SYT16: variants seen among roughly 807,000 people sequenced by gnomAD.
SYT16 encodes synaptotagmin-16.
SYT16 carries 42 observed loss-of-function variants against 61.4 expected under a neutral mutation model. That is an observed-to-expected ratio of 0.68 (90% CI 0.53 to 0.89). The LOEUF (loss-of-function observed/expected upper bound fraction) is 0.89, where lower values mean the gene tolerates loss of function less well. Among genes scored for constraint, SYT16 ranks in the 40% least tolerant of loss-of-function variants. The probability of loss-of-function intolerance (pLI) is 0.00; values close to 1 mark genes in which losing one functional copy is unlikely to be tolerated. For missense variants in SYT16, 804 were observed against 807.3 expected (o/e 1.00, Z 0.05); for synonymous variants, 314 against 302.3 (o/e 1.04, Z -0.40).
At chr14:61,957,760 A>G (rs1316683790) in intron 1 of SYT16, among the ~76,000 whole-genome samples, 1 of 151,768 alleles carries the variant, frequency 6.6e-6, no homozygotes, top group East Asian at 1.9e-4. Context: ...ATTGGCCTCT[A>G]GTTTTATTTT....
rs1032189836 is a variant in SYT16 at position 61,893,095 on chromosome 14, C to T, written c.-324-77037C>T. Among the ~76,000 whole-genome samples the T allele has an allele frequency of 3.9e-5, 6 of 152,114 alleles. No homozygotes were observed. In the East Asian group the frequency reaches 7.7e-4, roughly 20 times the overall value. On this transcript the variant is annotated intron_variant, in intron 1 of 7. Transcript: ENST00000683842. ...TCATGTGGTGTAGAGAATTCCTGCA[C>T]ACTTCCCATTAACTGGAACCCAGTT...
chr14:61,870,709 C>A (rs1000210752), intron 1 of SYT16, among the ~76,000 whole-genome samples: 3 of 152,120 alleles, frequency 2.0e-5, no homozygotes, highest in Non-Finnish European at 4.4e-5. Context: ...GTCCCTAAAT[C>A]TTCTACAATA....
chr14:62,084,426 G>A (rs2056819043), intron 7 of SYT16, 41 bp downstream of exon 7: 1 of 1,576,850 alleles, frequency 6.3e-7, no homozygotes, highest in East Asian at 2.3e-5. Context: ...TTCTTCCAGA[G>A]GCAAGTGGAA....
intron 3 of SYT16, among the ~76,000 whole-genome samples, chr14:62,030,802 T>G (rs1206809368): frequency 6.6e-6 from 1 of 152,212 alleles, no homozygotes; most frequent in Non-Finnish European, 1.5e-5. Flanking sequence ...CTTTTGTATT[T>G]ATAAAATGAA....
rs1010843620 is a variant in SYT16 at position 62,109,020 on chromosome 14, T to C, written c.*8313T>C. On this transcript the variant is annotated 3_prime_UTR_variant, in exon 8 of 8. Transcript: ENST00000683842. ...ATTTGTTACAACTGATGAACCTTCA[T>C]TGACATAACATTATCACCCAAAGTG... 7 of 152,230 alleles carry C rather than the reference T, an allele frequency of 4.6e-5. No individual in the cohort carries two copies. Among genetic ancestry groups the C allele is most frequent in the Middle Eastern group, 3.2e-3 (1 of 316 alleles). 9.4% of individuals were successfully genotyped at this position (152,230 alleles called of 1,614,324 possible).
At chr14:61,877,106 AGTACTAC>A (rs2047526126) in intron 1 of SYT16, among the ~76,000 whole-genome samples, 1 of 152,114 alleles carries the variant, frequency 6.6e-6, no homozygotes, top group South Asian at 2.1e-4. Context: ...ATCAAATGAC[AGTACTAC>A]CTGGGGAGGC....
At chr14:62,028,786 A>G (rs1272447307) in intron 3 of SYT16, among the ~76,000 whole-genome samples, 2 of 152,150 alleles carry the variant, frequency 1.3e-5, no homozygotes, top group East Asian at 1.9e-4. Context: ...AGTAAACCCC[A>G]TACTATTTTT....
Position 61,829,415 on chromosome 14 carries a change from T to G in SYT16, c.-325+16605T>G, listed in dbSNP as rs536157165. Among the ~76,000 whole-genome samples, 20 of 152,284 alleles carry G rather than the reference T, an allele frequency of 1.3e-4. No homozygotes were observed. In the East Asian group the frequency reaches 3.9e-3, roughly 29 times the overall value. On this transcript the variant is annotated intron_variant, in intron 1 of 7. Transcript: ENST00000683842. ...TCTTTGGGTTTCTCCTGTTTAAAGT[T>G]TAGTTAGGTTTTTCAATCTCTAGAT...
intron 1 of SYT16, among the ~76,000 whole-genome samples, chr14:61,853,334 C>CCCTGAA: frequency 6.6e-6 from 1 of 152,148 alleles, no homozygotes; most frequent in African/African-American, 2.4e-5. Flanking sequence ...TTCACTATTG[C>CCCTGAA]TATATTCAGG....
intron 1 of SYT16, among the ~76,000 whole-genome samples, chr14:61,872,097 A>G (rs1332524987): frequency 2.0e-5 from 3 of 152,204 alleles, no homozygotes; most frequent in Admixed American, 2.0e-4. Flanking sequence ...TACACTATGT[A>G]TGCAGCTTCA....
At chr14:61,993,193 C>G (rs2052626928) in intron 2 of SYT16, among the ~76,000 whole-genome samples, 1 of 145,514 alleles carries the variant, frequency 6.9e-6, no homozygotes, top group Non-Finnish European at 1.5e-5. Flanking sequence ...TATGCTCACT[C>G]AAAAGTGGGA....
chr14:62,100,427 TG>T lies in SYT16; in HGVS notation c.1661del (p.Gly554ValfsTer38). ...TYGKLFLLNS[V>X]GQEMSRCKTS... is the part of the protein sequence containing the mutation. ...GGAAAACTCTTTCTCCTCAATTCTG[TG>T]GGTCAAGAGATGTCCCGTTGCAAGA... On this transcript the variant is annotated frameshift_variant, in exon 8 of 8. Coordinates refer to ENST00000683842, the MANE Select transcript of SYT16 (RefSeq NM_001367656.1). LOFTEE classifies it high-confidence loss of function. 1 of 1,612,294 alleles carries T rather than the reference TG, an allele frequency of 6.2e-7. No homozygotes were observed. Among genetic ancestry groups the T allele is most frequent in the Non-Finnish European group, 8.5e-7 (1 of 1,179,086 alleles).
rs183287120 is a variant in SYT16 at position 61,901,769 on chromosome 14, A to G, written c.-324-68363A>G. ...AATAATAATAATAATAATAATTATT[A>G]TTATTATTATTTTTTGGAGTCTTGC... On this transcript the variant is annotated intron_variant, in intron 1 of 7. Coordinates refer to ENST00000683842, the MANE Select transcript of SYT16 (RefSeq NM_001367656.1). 4.7e-3 allele frequency among the ~76,000 whole-genome samples: 703 copies of G among 148,724 alleles called. 6 individuals are homozygous for G. The highest frequency in any genetic ancestry group is 8.4e-3 in the Non-Finnish European group (569 of 67,390).
At chr14:61,868,146 G>A (rs1280939012) in intron 1 of SYT16, among the ~76,000 whole-genome samples, 1 of 151,924 alleles carries the variant, frequency 6.6e-6, no homozygotes, top group Non-Finnish European at 1.5e-5. Flanking sequence ...TAGAATAATA[G>A]TTGCCAGAGT....
intron 1 of SYT16, among the ~76,000 whole-genome samples, chr14:61,854,422 A>G (rs2046712305): frequency 6.6e-6 from 1 of 152,238 alleles, no homozygotes; most frequent in Admixed American, 6.5e-5. Flanking sequence ...TAATCATACT[A>G]CACACACACG....
At chr14:62,004,259 A>G (rs1302200149) in intron 3 of SYT16, among the ~76,000 whole-genome samples, 1 of 152,174 alleles carries the variant, frequency 6.6e-6, no homozygotes, top group Non-Finnish European at 1.5e-5. Context: ...ACAGAGAGAG[A>G]GAGCGCACAA....
At chr14:61,901,962 A>T (rs917792058) in intron 1 of SYT16, among the ~76,000 whole-genome samples, 1 of 152,046 alleles carries the variant, frequency 6.6e-6, no homozygotes, top group African/African-American at 2.4e-5. Flanking sequence ...AGGTTTCGCT[A>T]TGTTGGCCAG....
rs1192875022 is a variant in SYT16, at chr14:61,955,825, C to A, written c.-324-14307C>A. On this transcript the variant is annotated intron_variant, in intron 1 of 7. Transcript: ENST00000683842. The stretch of plus-strand genomic sequence containing the variant: ...GTATGTACAAGCTAGATTGCTGGGT[C>A]AAGTGGTAATTCTATGGTTAATTTT... Among the ~76,000 whole-genome samples, 3 of 151,986 alleles carry A rather than the reference C, an allele frequency of 2.0e-5. No individual in the cohort carries two copies. In the East Asian group the frequency reaches 5.8e-4, roughly 29 times the overall value.
At chr14:62,056,270 C>A (rs1204737865) in intron 3 of SYT16, among the ~76,000 whole-genome samples, 1 of 152,148 alleles carries the variant, frequency 6.6e-6, no homozygotes, top group East Asian at 1.9e-4. Flanking sequence ...AGGGTGTCAC[C>A]AGCCCCTTCT....
Sources: gnomAD v4.1 joint callset for allele counts (sites outside exome capture counted in the v4.1 genomes callset) on GRCh38, gnomAD v4.1.1 for gene constraint, MANE v1.5 for transcripts, NCBI Gene and HGNC (gene_info 2026-07-23, HGNC 2026-07-21) for gene names.